Variants in DNAH6 observed in about 807,000 individuals in gnomAD.
The protein encoded by DNAH6 is axonemal beta dynein heavy chain 6.
In DNAH6, 340 loss-of-function variants were observed where a neutral mutation model predicts 491.4. The observed-to-expected ratio is 0.69, with a 90% CI of 0.63 to 0.76. The LOEUF (loss-of-function observed/expected upper bound fraction) is 0.76, where lower values mean the gene tolerates loss of function less well. DNAH6 is among the 30% of genes least tolerant of loss of function. The pLI is 0.00. For synonymous variants in DNAH6, 1,603 were observed against 1,686.1 expected (o/e 0.95, Z 1.21); for missense variants, 4,443 against 4,972.2 (o/e 0.89, Z 3.20).
At chr2:84,736,428 T>C (rs976378231) in intron 62 of DNAH6, among the ~76,000 whole-genome samples, 7 of 152,186 alleles carry the variant, frequency 4.6e-5, no homozygotes, top group African/African-American at 1.7e-4. Context: ...TGTAGATTGC[T>C]TCGGATAGCA....
At chr2:84,660,933 C>T (rs969902972) in intron 37 of DNAH6, among the ~76,000 whole-genome samples, 2 of 151,824 alleles carry the variant, frequency 1.3e-5, no homozygotes, top group African/African-American at 4.8e-5. Flanking sequence ...ATGTATGATC[C>T]TGGAATGGAT....
intron 11 of DNAH6, 131 bp downstream of exon 11, chr2:84,558,066 G>A: frequency 1.8e-6 from 1 of 550,646 alleles, no homozygotes; most frequent in Non-Finnish European, 3.0e-6. Context: ...ATCTCTAAAT[G>A]GTAAAATTTG....
chr2:84,481,117 C>T, the DNAH6 span, among the ~76,000 whole-genome samples: 3 of 152,128 alleles, frequency 2.0e-5, no homozygotes, highest in African/African-American at 4.8e-5. Flanking sequence ...CTTGTGTGTA[C>T]TTGTAGGGCC....
At chr2:84,668,530 T>C (rs1479001923) in intron 37 of DNAH6, among the ~76,000 whole-genome samples, 2 of 152,208 alleles carry the variant, frequency 1.3e-5, no homozygotes, top group Admixed American at 6.5e-5. Flanking sequence ...GTAAAGCTTT[T>C]GATAATTTGA....
chr2:84,654,001 T>C, intron 34 of DNAH6, 127 bp downstream of exon 34: 1 of 740,360 alleles, frequency 1.4e-6, no homozygotes, highest in South Asian at 2.6e-5. Context: ...GTTTACTTAC[T>C]TATTAAGTCA....
chr2:84,752,486 A>G (rs1206223648), intron 63 of DNAH6, among the ~76,000 whole-genome samples: 1 of 151,930 alleles, frequency 6.6e-6, no homozygotes, highest in African/African-American at 2.4e-5. Flanking sequence ...TACTTATTAT[A>G]CAATTCACCC....
intron 2 of DNAH6, 73 bp downstream of exon 2, chr2:84,518,124 G>C: frequency 8.9e-7 from 1 of 1,123,730 alleles, no homozygotes; most frequent in Non-Finnish European, 1.3e-6. Context: ...GAGGATAGAA[G>C]TCATGTCCAG....
At chr2:84,716,803 C>G (rs1185990420) in intron 58 of DNAH6, among the ~76,000 whole-genome samples, 1 of 152,148 alleles carries the variant, frequency 6.6e-6, no homozygotes, top group African/African-American at 2.4e-5. Context: ...TGTGCAGTAT[C>G]TCCCTGCTAT....
At chr2:84,714,442 C>T (rs1697334558) in intron 57 of DNAH6, among the ~76,000 whole-genome samples, 1 of 152,102 alleles carries the variant, frequency 6.6e-6, no homozygotes, top group Non-Finnish European at 1.5e-5. Context: ...CCAACATTAC[C>T]AGAGGCTGGG....
At chr2:84,704,389 C>T in intron 51 of DNAH6, 87 bp downstream of exon 51, 1 of 925,074 alleles carries the variant, frequency 1.1e-6, no homozygotes, top group Non-Finnish European at 1.6e-6. Context: ...TATTCATTCC[C>T]TTCTCCACCT....
rs1287308547 is a variant in DNAH6 at position 84,705,591 on chromosome 2, T to G, written c.8571T>G (p.Leu2857=). 6.4e-7 allele frequency: 1 copy of G among 1,551,616 alleles called. No individual in the cohort carries two copies. The highest frequency in any genetic ancestry group is 1.2e-5 in the South Asian group (1 of 84,054). ...ENIKPQILAK[L]QKYINNPDFV... Reference sequence around the variant, plus strand: ...TAAAGCCTCAGATATTGGCAAAGCTTCAAAAGTATATTAATAATCCTGATT... The same window carrying G: ...TAAAGCCTCAGATATTGGCAAAGCTGCAAAAGTATATTAATAATCCTGATT... Residue 2857 remains leucine (L), a synonymous_variant, in exon 52 of 77, where the codon CTT becomes CTG. Transcript: ENST00000389394.
rs1163291608 is a variant in DNAH6 at position 84,658,351 on chromosome 2, T to C, written c.5817T>C (p.Gly1939=). 9 of 1,548,192 alleles carry C rather than the reference T, an allele frequency of 5.8e-6. No homozygotes were observed. Among genetic ancestry groups the C allele is most frequent in the Non-Finnish European group, 7.9e-6 (9 of 1,145,260 alleles). ...TTTTCCAACGTTATGTTGATGAAGGTTTACATTTTATCAATAAAAAGTGCA... is the reference window on the plus strand; with the variant it reads ...TTTTCCAACGTTATGTTGATGAAGGCTTACATTTTATCAATAAAAAGTGCA... ...LNLFQRYVDE[G]LHFINKKCSQ... Residue 1939 remains glycine, a synonymous_variant, in exon 36 of 77, where the codon GGT becomes GGC. Transcript: ENST00000389394.
intron 29 of DNAH6, 116 bp downstream of exon 29, chr2:84,625,179 A>G: frequency 1.0e-6 from 1 of 984,320 alleles, no homozygotes. Context: ...GAGAAAAGAA[A>G]TGGGGTAAAT....
At chr2:84,626,057 A>C (rs1466840226) in intron 29 of DNAH6, among the ~76,000 whole-genome samples, 1 of 152,208 alleles carries the variant, frequency 6.6e-6, no homozygotes, top group African/African-American at 2.4e-5. Flanking sequence ...GAGAATGAAA[A>C]AGGCATATAA....
At chr2:84,636,670 C>T (rs1688905810) in intron 30 of DNAH6, among the ~76,000 whole-genome samples, 2 of 152,132 alleles carry the variant, frequency 1.3e-5, no homozygotes, top group South Asian at 2.1e-4. Flanking sequence ...GTTGGAATTT[C>T]TTGGGGAATA....
intron 69 of DNAH6, 119 bp from the exon 70 acceptor site, chr2:84,797,418 C>T (rs901703695): frequency 1.1e-6 from 1 of 928,128 alleles, no homozygotes; most frequent in Non-Finnish European, 1.6e-6. Context: ...AACAATCCCC[C>T]TTTCTACATG....
chr2:84,533,021 T>C (rs1420511844), intron 4 of DNAH6, among the ~76,000 whole-genome samples: 4 of 152,156 alleles, frequency 2.6e-5, no homozygotes, highest in Non-Finnish European at 5.9e-5. Context: ...CTTGACAATT[T>C]TTTTTCCAAT....
At position 84,753,749 on chromosome 2, in the gene DNAH6, C is replaced by T. The variant is rs1254386494; in HGVS notation, c.10512+8500C>T. 3.6e-4 allele frequency among the ~76,000 whole-genome samples: 32 copies of T among 87,742 alleles called. 1 individual carries two copies. Among genetic ancestry groups the T allele is most frequent in the African/African-American group, 1.5e-3 (30 of 19,772 alleles). The allele number at this position is 87,742 out of a possible 152,430, so 57.6% of individuals were successfully genotyped here. On this transcript the variant is annotated intron_variant, in intron 63 of 76. Transcript: ENST00000389394. ...TCCAGCCTGGGCAACAGGAGTGAAA[C>T]TCTGTTAAAAAAAAAAAAAAAAAAA...
At chr2:84,581,801 A>G (rs184905575) in intron 14 of DNAH6, among the ~76,000 whole-genome samples, 142 of 152,360 alleles carry the variant, frequency 9.3e-4, no homozygotes, top group Non-Finnish European at 1.7e-3. Flanking sequence ...AGTAGAATTG[A>G]AAGGACTTAA....
Sources: allele counts gnomAD v4.1 joint callset (sites outside exome capture counted in the v4.1 genomes callset), GRCh38; gene constraint gnomAD v4.1.1; transcripts MANE v1.5; gene names NCBI Gene and HGNC (gene_info 2026-07-23, HGNC 2026-07-21).